HOXC5: variants seen among roughly 807,000 people sequenced by gnomAD.
HOXC5 encodes the protein homeobox C5.
In HOXC5, 19 loss-of-function variants were observed where a neutral mutation model predicts 20.1. That is an observed-to-expected ratio of 0.94 (90% CI 0.66 to 1.38). The LOEUF (loss-of-function observed/expected upper bound fraction) is 1.38, where lower values mean the gene tolerates loss of function less well. Ranked by LOEUF, HOXC5 falls within the 40% of genes most tolerant of loss-of-function variation. HOXC5 has a pLI of 0.00. For synonymous variants in HOXC5, 124 were observed against 117.0 expected, an observed-to-expected ratio of 1.06 and a Z score of -0.39; for missense variants, 330 against 300.1, an observed-to-expected ratio of 1.10 and a Z score of -0.74.
upstream of HOXC5, chr12:54,028,345 A>AT (rs150694870): frequency 0.042 from 25,539 of 612,648 alleles, 696 homozygotes; most frequent in Middle Eastern, 0.076. Context: ...AGCAGAAGCG[A>AT]TTTTTTTCCC....
the HOXC5 span, among the ~76,000 whole-genome samples, chr12:54,025,135 C>T: frequency 2.0e-5 from 3 of 152,206 alleles, no homozygotes; most frequent in Admixed American, 1.3e-4. Flanking sequence ...TCTTTAGGCT[C>T]GTTTTATAGA....
intron 1 of HOXC5, 42 bp downstream of exon 1, chr12:54,033,618 G>A (rs370139804): frequency 6.2e-6 from 9 of 1,450,142 alleles, no homozygotes; most frequent in Non-Finnish European, 7.3e-6. Context: ...GGTCCGCCTG[G>A]GTTTTATAGG....
At chr12:54,033,001 G>A (rs1353657739), upstream of HOXC5, 1 of 748,786 alleles carries the variant, frequency 1.3e-6, no homozygotes, top group Non-Finnish European at 2.2e-6. Flanking sequence ...ATAGGATAAA[G>A]AAAGAGATAT....
At chr12:54,029,061 C>T (rs1940864029), upstream of HOXC5, 2 of 820,292 alleles carry the variant, frequency 2.4e-6, no homozygotes, top group South Asian at 1.9e-5. Flanking sequence ...GACAGGGCCC[C>T]CTCTTCTGCC....
chr12:54,028,352 T>TTC, upstream of HOXC5: 3 of 633,180 alleles, frequency 4.7e-6, no homozygotes, highest in Non-Finnish European at 8.0e-6. Context: ...GCGATTTTTT[T>TTC]CCCCCTTCCT....
At chr12:54,019,672 T>TC in the HOXC5 span, among the ~76,000 whole-genome samples, 1 of 151,906 alleles carries the variant, frequency 6.6e-6, no homozygotes, top group Admixed American at 6.5e-5. Context: ...AAGGGCCCCC[T>TC]CCCACCCGAG....
chr12:54,021,708 C>T, the HOXC5 span: 1 of 152,292 alleles, frequency 6.6e-6, no homozygotes, highest in Non-Finnish European at 1.5e-5. Context: ...TTGGTCACCC[C>T]AGGCACTGGG....
the HOXC5 span, among the ~76,000 whole-genome samples, chr12:54,027,008 C>T: frequency 6.6e-6 from 1 of 152,216 alleles, no homozygotes; most frequent in South Asian, 2.1e-4. Flanking sequence ...CGCACACTCC[C>T]CACCACCCTT....
At chr12:54,028,408 C>A, upstream of HOXC5, 16 of 1,215,106 alleles carry the variant, frequency 1.3e-5, no homozygotes, top group Non-Finnish European at 1.5e-5. Flanking sequence ...CTGACTTTGT[C>A]ATTTTGTCTG....
Position 54,033,404 on chromosome 12 carries a change from G to A in HOXC5, c.282G>A (p.Leu94=), listed in dbSNP as rs1941067752. The part of the protein sequence containing the change: ...HAPGRDEAAP[L]NPGMYSQKAA... ...CGGGCAGAGACGAAGCGGCTCCTCT[G>A]AACCCCGGGATGTACAGTCAGAAGG... The change falls in exon 1 of 2, where the codon CTG becomes CTA. Residue 94 remains leucine, a synonymous_variant. Transcript: ENST00000312492. 2.5e-6 allele frequency: 4 copies of A among 1,611,258 alleles called. No homozygotes were observed. The highest frequency in any genetic ancestry group is 1.7e-4 in the Middle Eastern group (1 of 5,890).
the HOXC5 span, chr12:54,020,792 C>T: frequency 6.6e-6 from 1 of 152,162 alleles, no homozygotes; most frequent in East Asian, 1.9e-4. Context: ...ATGCGGGTTC[C>T]AGTAACCAAT....
At chr12:54,029,982 C>T (rs1444203486), upstream of HOXC5, 2 of 1,505,262 alleles carry the variant, frequency 1.3e-6, no homozygotes, top group Admixed American at 4.8e-5. Context: ...TCCCTGCCAC[C>T]CCTCTCTCCC....
chr12:54,033,067 T>C lies in HOXC5; in HGVS notation c.-56T>C. ...CAAAAAACCCCTCAACTTCAAAGAG[T>C]CACAAATCACCCTTAATCAAAAAGG... On this transcript the variant is annotated 5_prime_UTR_variant, in exon 1 of 2. Coordinates refer to ENST00000312492, the MANE Select transcript of HOXC5 (RefSeq NM_018953.4). The C allele has an allele frequency of 2.1e-6, 3 of 1,440,314 alleles. No homozygotes were observed. Among genetic ancestry groups the C allele is most frequent in the Non-Finnish European group, 2.9e-6 (3 of 1,045,170 alleles). The allele number at this position is 1,440,314 out of a possible 1,614,324, so 89.2% of individuals were successfully genotyped here.
chr12:54,034,302 C>A lies in HOXC5; in HGVS notation c.479C>A (p.Thr160Asn). 1.2e-6 allele frequency: 2 copies of A among 1,614,030 alleles called. No individual in the cohort carries two copies. The highest frequency in any genetic ancestry group is 1.7e-6 in the Non-Finnish European group (2 of 1,180,006). The change falls in exon 2 of 2, where the codon ACC becomes AAC. Residue 160 changes from threonine (T) to asparagine (N), a missense_variant. Physicochemically the swap from Thr to Asn is moderately conservative, Grantham distance 65. Coordinates refer to ENST00000312492, the MANE Select transcript of HOXC5 (RefSeq NM_018953.4). ...SHETDGKRSR[T>N]SYTRYQTLEL... ...GAGACGGACGGCAAGCGGTCCCGAA[C>A]CAGTTACACGCGCTACCAGACTCTG... is the stretch of plus-strand genomic sequence containing the variant.
At chr12:54,017,105 C>T in the HOXC5 span, 1 of 152,138 alleles carries the variant, frequency 6.6e-6, no homozygotes, top group African/African-American at 2.4e-5. Context: ...TCTCTCTCTT[C>T]CTTCCCGACC....
chr12:54,033,763 T>C (rs989659131), intron 1 of HOXC5, among the ~76,000 whole-genome samples, 187 bp downstream of exon 1: 10 of 152,064 alleles, frequency 6.6e-5, no homozygotes, highest in African/African-American at 2.4e-4. Flanking sequence ...AATTGGATCA[T>C]AGGAACAAAA....
At chr12:54,026,117 A>C in the HOXC5 span, among the ~76,000 whole-genome samples, 2 of 152,134 alleles carry the variant, frequency 1.3e-5, no homozygotes, top group African/African-American at 4.8e-5. Flanking sequence ...TCTCTCTCTG[A>C]AATTGGAGGG....
At chr12:54,029,400 C>A, upstream of HOXC5, among the ~76,000 whole-genome samples, 1 of 74,442 alleles carries the variant, frequency 1.3e-5, no homozygotes, top group African/African-American at 6.6e-5. Flanking sequence ...TGCCTTTTGC[C>A]CCGCCCCCCC....
At position 54,033,344 on chromosome 12, in the gene HOXC5, C is replaced by G; in HGVS notation, c.222C>G (p.Pro74=). The G allele has an allele frequency of 6.2e-7, 1 of 1,613,010 alleles. No individual in the cohort carries two copies. The highest frequency in any genetic ancestry group is 2.2e-5 in the East Asian group (1 of 44,842). The change falls in exon 1 of 2, where the codon CCC becomes CCG. Residue 74 remains proline, a synonymous_variant. Transcript: ENST00000312492. The part of the protein sequence containing the change: ...AANPRAHPDR[P]ACSAAAAPGH... ...ACCCCCGGGCTCACCCCGACCGCCCCGCCTGCAGCGCCGCGGCCGCTCCGG... is the reference window on the plus strand; with the variant it reads ...ACCCCCGGGCTCACCCCGACCGCCCGGCCTGCAGCGCCGCGGCCGCTCCGG...
Sources: gnomAD v4.1 joint callset for allele counts (sites outside exome capture counted in the v4.1 genomes callset) on GRCh38, gnomAD v4.1.1 for gene constraint, MANE v1.5 for transcripts, NCBI Gene and HGNC (gene_info 2026-07-23, HGNC 2026-07-21) for gene names.